WDR7: variants seen among roughly 807,000 people sequenced by gnomAD.
WDR7 encodes WD repeat-containing protein 7.
A neutral mutation model predicts 169.4 loss-of-function variants in WDR7; 46 were observed. The ratio of observed to expected loss-of-function variants is 0.27; its 90% CI spans 0.21 to 0.35. WDR7 has a LOEUF of 0.35. Ranked by LOEUF, WDR7 falls within the 10% of genes least tolerant of loss-of-function variation. WDR7 has a pLI of 1.00. For synonymous variants in WDR7, 612 were observed against 666.8 expected, an observed-to-expected ratio of 0.92 and a Z score of 1.27; for missense variants, 1,534 against 1,859.3, an observed-to-expected ratio of 0.83 and a Z score of 3.22.
chr18:56,943,957 T>C lies in WDR7; in HGVS notation c.4064+4564T>C, dbSNP rs150482651. Among the ~76,000 whole-genome samples the C allele has an allele frequency of 9.6e-4, 145 of 150,850 alleles. No individual in the cohort carries two copies. The Middle Eastern group carries it at 0.01, about 11-fold the overall frequency. On this transcript the variant is annotated intron_variant, in intron 25 of 27. Coordinates refer to ENST00000254442, the MANE Select transcript of WDR7 (RefSeq NM_015285.3). ...TTTTTCACCTTCACCAGTGGGCTTG[T>C]AGGGTTTTTTTGTATGTTTTGTGGG...
At chr18:57,015,173 A>G (rs2048189540) in intron 26 of WDR7, among the ~76,000 whole-genome samples, 1 of 152,230 alleles carries the variant, frequency 6.6e-6, no homozygotes, top group Admixed American at 6.5e-5. Context: ...GTCCACACAC[A>G]CAGCAGAATG....
At chr18:56,746,251 C>A (rs986185217) in intron 14 of WDR7, among the ~76,000 whole-genome samples, 3 of 152,256 alleles carry the variant, frequency 2.0e-5, no homozygotes, top group African/African-American at 7.2e-5. Flanking sequence ...CCACTGATCT[C>A]TCTCTTATTT....
chr18:56,995,554 C>T (rs139704929), intron 26 of WDR7, among the ~76,000 whole-genome samples: 80 of 152,274 alleles, frequency 5.3e-4, no homozygotes, highest in Admixed American at 1.6e-3. Flanking sequence ...TGTTCATAAT[C>T]GCCTATTTTT....
intron 1 of WDR7, among the ~76,000 whole-genome samples, chr18:56,670,937 T>C (rs1391922923): frequency 2.0e-5 from 3 of 152,216 alleles, no homozygotes; most frequent in Non-Finnish European, 2.9e-5. Context: ...ACTATTCCAG[T>C]CTTCTTTTTC....
chr18:57,014,592 G>A (rs1279557619), intron 26 of WDR7, among the ~76,000 whole-genome samples: 1 of 152,036 alleles, frequency 6.6e-6, no homozygotes, highest in East Asian at 1.9e-4. Context: ...GAGATGCGGA[G>A]GTTGCAGTGA....
chr18:56,691,022 A>T (rs140411341), intron 7 of WDR7, among the ~76,000 whole-genome samples, 194 bp from the exon 8 acceptor site: 1 of 152,224 alleles, frequency 6.6e-6, no homozygotes, highest in East Asian at 1.9e-4. Flanking sequence ...GTTACCCATA[A>T]CTAGGGGCCT....
chr18:56,801,260 A>T (rs532956860), intron 19 of WDR7, among the ~76,000 whole-genome samples: 1 of 152,200 alleles, frequency 6.6e-6, no homozygotes, highest in African/African-American at 2.4e-5. Context: ...TTTACCAACT[A>T]TAGTGTAGTA....
chr18:56,742,706 A>C (rs2043638969), intron 14 of WDR7, among the ~76,000 whole-genome samples: 1 of 152,166 alleles, frequency 6.6e-6, no homozygotes, highest in South Asian at 2.1e-4. Flanking sequence ...TCTCAGCTTG[A>C]GGTGATTAGG....
chr18:56,917,633 A>G (rs904845952), intron 21 of WDR7, among the ~76,000 whole-genome samples: 3 of 152,190 alleles, frequency 2.0e-5, no homozygotes, highest in Non-Finnish European at 4.4e-5. Flanking sequence ...AGTTTTAAAC[A>G]TTGGCATTTT....
At chr18:56,818,359 G>T (rs1013695119) in intron 20 of WDR7, among the ~76,000 whole-genome samples, 2 of 152,120 alleles carry the variant, frequency 1.3e-5, no homozygotes, top group African/African-American at 4.8e-5. Context: ...TAATTTTATT[G>T]TTAACAAAAT....
At chr18:56,732,587 G>A (rs183322874) in intron 14 of WDR7, among the ~76,000 whole-genome samples, 5 of 152,226 alleles carry the variant, frequency 3.3e-5, no homozygotes, top group Admixed American at 2.0e-4. Flanking sequence ...CCAGTAGTTC[G>A]CAGTAATGTC....
chr18:56,988,499 A>G (rs1041224791), intron 26 of WDR7, among the ~76,000 whole-genome samples: 4 of 152,140 alleles, frequency 2.6e-5, no homozygotes, highest in African/African-American at 9.7e-5. Context: ...TTTAAGTGGT[A>G]TCAGTTGAAC....
chr18:56,805,484 C>T (rs1020726093), intron 19 of WDR7, among the ~76,000 whole-genome samples: 13 of 152,046 alleles, frequency 8.6e-5, no homozygotes, highest in Admixed American at 2.0e-4. Context: ...TTCCATCTTT[C>T]GAGATTTCAA....
chr18:56,901,342 C>T (rs559981205), intron 21 of WDR7, among the ~76,000 whole-genome samples: 2 of 152,128 alleles, frequency 1.3e-5, no homozygotes, highest in Non-Finnish European at 2.9e-5. Flanking sequence ...TATTTTGTTG[C>T]TTTCTGGGAA....
At chr18:56,904,956 TACAA>T (rs2046456671) in intron 21 of WDR7, among the ~76,000 whole-genome samples, 1 of 152,110 alleles carries the variant, frequency 6.6e-6, no homozygotes. Flanking sequence ...CCGAAGCCGT[TACAA>T]ACATAAGAAG....
intron 19 of WDR7, among the ~76,000 whole-genome samples, chr18:56,785,819 T>G (rs1488669541): frequency 6.9e-6 from 1 of 145,298 alleles, no homozygotes; most frequent in Non-Finnish European, 1.5e-5. Context: ...CAGGATTCTT[T>G]TTTTCTTTTT....
At position 56,756,678 on chromosome 18, in the gene WDR7, G is replaced by A; in HGVS notation, c.2085G>A (p.Val695=). Residue 695 remains valine, a synonymous_variant, in exon 15 of 28, where the codon GTG becomes GTA. Coordinates refer to ENST00000254442, the MANE Select transcript of WDR7 (RefSeq NM_015285.3). ...DPDIHVLFFD[V]EALIIQLLTE... is the part of the protein sequence containing the mutation. ...ACATACATGTGCTATTCTTTGATGT[G>A]GAAGCGTTGATTATTCAACTCCTGA... 9 of 1,614,082 alleles carry A rather than the reference G, an allele frequency of 5.6e-6. No individual in the cohort carries two copies. The highest frequency in any genetic ancestry group is 7.6e-6 in the Non-Finnish European group (9 of 1,180,028).
At chr18:56,871,853 G>A (rs1028460164) in intron 20 of WDR7, among the ~76,000 whole-genome samples, 16 of 151,878 alleles carry the variant, frequency 1.1e-4, no homozygotes, top group Admixed American at 8.5e-4. Context: ...TTATCTTGAC[G>A]GGAGTTCTGA....
At chr18:56,961,794 A>G (rs1444018089) in intron 25 of WDR7, among the ~76,000 whole-genome samples, 1 of 152,202 alleles carries the variant, frequency 6.6e-6, no homozygotes, top group African/African-American at 2.4e-5. Context: ...TCACACTGCT[A>G]AAAGCCATGG....
Sources: allele counts gnomAD v4.1 joint callset (sites outside exome capture counted in the v4.1 genomes callset), GRCh38; gene constraint gnomAD v4.1.1; transcripts MANE v1.5; gene names NCBI Gene and HGNC (gene_info 2026-07-23, HGNC 2026-07-21).